GPC6: variants seen among roughly 807,000 people sequenced by gnomAD.
GPC6 encodes glypican-6.
Under a neutral mutation model 55.2 loss-of-function variants are expected in GPC6, and 14 were observed. That is an observed-to-expected ratio of 0.25 (90% CI 0.17 to 0.40). The LOEUF (loss-of-function observed/expected upper bound fraction) is 0.40, where lower values mean the gene tolerates loss of function less well. Among genes scored for constraint, GPC6 ranks in the 10% least tolerant of loss-of-function variants. The pLI is 1.00. For missense variants in GPC6, 641 were observed against 708.5 expected, an observed-to-expected ratio of 0.90 and a Z score of 1.08; for synonymous variants, 278 against 259.6, an observed-to-expected ratio of 1.07 and a Z score of -0.68.
intron 4 of GPC6, among the ~76,000 whole-genome samples, chr13:94,129,002 TAAC>T (rs1220448846): frequency 1.3e-5 from 2 of 152,132 alleles, no homozygotes; most frequent in African/African-American, 2.4e-5. Context: ...TTTGTTTCAG[TAAC>T]AACAACAAAA....
At chr13:94,014,089 T>G (rs1015957588) in intron 3 of GPC6, among the ~76,000 whole-genome samples, 6 of 152,202 alleles carry the variant, frequency 3.9e-5, no homozygotes, top group African/African-American at 1.2e-4. Flanking sequence ...AATTCATAAT[T>G]GTTTCCTGTC....
chr13:93,478,746 T>A (rs1040809799), intron 1 of GPC6, among the ~76,000 whole-genome samples: 4 of 152,232 alleles, frequency 2.6e-5, no homozygotes, highest in African/African-American at 9.6e-5. Context: ...AGTCAGTATA[T>A]GATGTGTCTC....
intron 1 of GPC6, among the ~76,000 whole-genome samples, chr13:93,250,377 G>A (rs1876744069): frequency 6.6e-6 from 1 of 152,184 alleles, no homozygotes; most frequent in African/African-American, 2.4e-5. Flanking sequence ...TGCATATCTG[G>A]GGGTGGTATA....
intron 4 of GPC6, among the ~76,000 whole-genome samples, chr13:94,266,158 TTTTTTG>T (rs1248988421): frequency 2.8e-5 from 4 of 143,324 alleles, no homozygotes; most frequent in South Asian, 4.7e-4. Flanking sequence ...TTTCTTTTTT[TTTTTTG>T]TTTGTTTGTT....
intron 4 of GPC6, among the ~76,000 whole-genome samples, chr13:94,143,178 A>C (rs1424665046): frequency 1.3e-5 from 2 of 152,042 alleles, no homozygotes; most frequent in Non-Finnish European, 2.9e-5. Flanking sequence ...AAACAACAAA[A>C]TATAATTAAT....
intron 4 of GPC6, among the ~76,000 whole-genome samples, chr13:94,255,554 C>A (rs953512214): frequency 6.6e-6 from 1 of 152,134 alleles, no homozygotes; most frequent in African/African-American, 2.4e-5. Context: ...TCTTTTCCTT[C>A]CTCTCTCTAA....
intron 4 of GPC6, among the ~76,000 whole-genome samples, chr13:94,226,504 C>T (rs932571167): frequency 1.3e-5 from 2 of 152,098 alleles, no homozygotes; most frequent in Non-Finnish European, 2.9e-5. Flanking sequence ...ATCAATACAC[C>T]ATGTGTACAT....
intron 2 of GPC6, among the ~76,000 whole-genome samples, chr13:93,705,667 C>T (rs1284548851): frequency 6.6e-6 from 1 of 151,720 alleles, no homozygotes; most frequent in Non-Finnish European, 1.5e-5. Context: ...GGGATCAAAA[C>T]ATGAGAACCC....
chr13:94,396,677 T>C (rs985888707), intron 7 of GPC6, among the ~76,000 whole-genome samples: 6 of 152,344 alleles, frequency 3.9e-5, no homozygotes, highest in African/African-American at 1.4e-4. Flanking sequence ...AAGGAAAACC[T>C]GTAGGACAGG....
At position 93,545,357 on chromosome 13, in the gene GPC6, C is replaced by A; in HGVS notation, c.255C>A (p.Asn85Lys). The A allele has an allele frequency of 6.2e-7, 1 of 1,613,728 alleles. No individual in the cohort carries two copies. The highest frequency in any genetic ancestry group is 2.2e-5 in the East Asian group (1 of 44,862). ...LSQQSKLEFE[N>K]LVEETSHFVR... Reference sequence around the variant, plus strand: ...AACAAAGCAAACTCGAATTTGAAAACCTTGTGGAAGAGACAAGCCATTTTG... The same window carrying A: ...AACAAAGCAAACTCGAATTTGAAAAACTTGTGGAAGAGACAAGCCATTTTG... The change falls in exon 2 of 9, where the codon AAC becomes AAA. Residue 85 changes from asparagine (N) to lysine (K), a missense_variant. By Grantham distance (94) the Asn-to-Lys change is moderately conservative. Coordinates refer to ENST00000377047, the MANE Select transcript of GPC6 (RefSeq NM_005708.5).
chr13:93,495,001 C>T (rs1330151149), intron 1 of GPC6, among the ~76,000 whole-genome samples: 1 of 133,934 alleles, frequency 7.5e-6, no homozygotes, highest in Non-Finnish European at 1.6e-5. Flanking sequence ...AATTATGTGT[C>T]TTGGAGTTGC....
intron 2 of GPC6, among the ~76,000 whole-genome samples, chr13:93,592,360 A>AATATATATATAT (rs34179629): frequency 2.1e-5 from 3 of 144,884 alleles, no homozygotes; most frequent in Non-Finnish European, 4.5e-5. Flanking sequence ...ATATATGTAA[A>AATATATATATAT]ATATATATAT....
intron 6 of GPC6, among the ~76,000 whole-genome samples, chr13:94,309,237 T>G (rs1214190764): frequency 6.6e-6 from 1 of 152,148 alleles, no homozygotes; most frequent in African/African-American, 2.4e-5. Flanking sequence ...ACCCCACCCC[T>G]TTTGCCAAAA....
chr13:93,602,521 C>T (rs1445325056), intron 2 of GPC6, among the ~76,000 whole-genome samples: 2 of 152,128 alleles, frequency 1.3e-5, no homozygotes, highest in African/African-American at 2.4e-5. Context: ...TCTACAGCCA[C>T]TTTCTGACAT....
At chr13:94,337,941 G>GCATTC (rs1877804399) in intron 6 of GPC6, among the ~76,000 whole-genome samples, 1 of 152,142 alleles carries the variant, frequency 6.6e-6, no homozygotes, top group Non-Finnish European at 1.5e-5. Flanking sequence ...AACACCTGAG[G>GCATTC]CATTCCATGA....
intron 3 of GPC6, among the ~76,000 whole-genome samples, chr13:93,845,003 T>C (rs566429987): frequency 1.3e-5 from 2 of 152,206 alleles, no homozygotes; most frequent in South Asian, 4.1e-4. Context: ...CATTGATCTA[T>C]ATCTCTGTTT....
intron 1 of GPC6, among the ~76,000 whole-genome samples, chr13:93,519,679 C>T (rs868324981): frequency 4.3e-4 from 65 of 152,000 alleles, no homozygotes; most frequent in African/African-American, 1.4e-3. Flanking sequence ...TTCTGGGAGG[C>T]GGATGACACT....
intron 6 of GPC6, among the ~76,000 whole-genome samples, chr13:94,379,241 GTTCT>G (rs1880046091): frequency 2.0e-5 from 3 of 152,184 alleles, no homozygotes; most frequent in Admixed American, 1.3e-4. Flanking sequence ...TCAAAGGCAT[GTTCT>G]TTTCCAGTGG....
At chr13:93,510,314 C>G (rs1880906424) in intron 1 of GPC6, among the ~76,000 whole-genome samples, 1 of 152,110 alleles carries the variant, frequency 6.6e-6, no homozygotes, top group Non-Finnish European at 1.5e-5. Context: ...CATCTTCCCT[C>G]TCCCCCAAAT....
Sources: gnomAD v4.1 joint callset for allele counts (sites outside exome capture counted in the v4.1 genomes callset) on GRCh38, gnomAD v4.1.1 for gene constraint, MANE v1.5 for transcripts, NCBI Gene and HGNC (gene_info 2026-07-23, HGNC 2026-07-21) for gene names.